The following NPAS3 variants were observed in gnomAD, a reference collection of about 807,000 sequenced individuals.
The protein encoded by NPAS3 is neuronal PAS domain-containing protein 3.
NPAS3 carries 14 observed loss-of-function variants against 73.1 expected under a neutral mutation model. The observed-to-expected ratio is 0.19, with a 90% CI of 0.13 to 0.30. The LOEUF is 0.30. NPAS3 is among the 10% of genes least tolerant of loss of function. NPAS3 has a pLI of 1.00. For missense variants in NPAS3, 1,096 were observed against 1,250.0 expected (o/e 0.88, Z 1.86); for synonymous variants, 620 against 541.5 (o/e 1.14, Z -2.01).
chr14:33,046,145 T>C (rs2040498326), intron 1 of NPAS3, among the ~76,000 whole-genome samples: 1 of 152,072 alleles, frequency 6.6e-6, no homozygotes, highest in Admixed American at 6.6e-5. Context: ...TCCTGAAAGG[T>C]ATATGTGGGT....
chr14:33,405,082 T>C (rs1483514882), intron 4 of NPAS3, among the ~76,000 whole-genome samples: 1 of 152,112 alleles, frequency 6.6e-6, no homozygotes, highest in Non-Finnish European at 1.5e-5. Context: ...GCAGAAAGCC[T>C]TGCTTCTAGT....
At chr14:33,186,888 G>A (rs1470247555) in intron 2 of NPAS3, among the ~76,000 whole-genome samples, 2 of 152,114 alleles carry the variant, frequency 1.3e-5, no homozygotes, top group Non-Finnish European at 2.9e-5. Context: ...CTACAACTGG[G>A]GAATTGCTAC....
chr14:33,524,636 G>A (rs985565434), intron 4 of NPAS3, among the ~76,000 whole-genome samples: 8 of 152,156 alleles, frequency 5.3e-5, no homozygotes, highest in African/African-American at 1.9e-4. Flanking sequence ...CCATGACAAA[G>A]TATCACAAAC....
intron 5 of NPAS3, among the ~76,000 whole-genome samples, chr14:33,635,931 G>A (rs986414019): frequency 6.6e-6 from 1 of 152,138 alleles, no homozygotes; most frequent in Admixed American, 6.5e-5. Context: ...GTCATGGACT[G>A]TAAACACGAC....
Position 33,374,863 on chromosome 14 carries a change from T to G in NPAS3, c.468+7595T>G, listed in dbSNP as rs559748444. Among the ~76,000 whole-genome samples the G allele has an allele frequency of 5.3e-5, 8 of 152,190 alleles. No individual in the cohort carries two copies. In the East Asian group the frequency reaches 7.7e-4, roughly 15 times the overall value. The stretch of plus-strand genomic sequence containing the variant: ...CAAAAGCTAACACAAAGATACAAAT[T>G]ATCATTTATTAAGATGCTGCCTAGC... On this transcript the variant is annotated intron_variant, in intron 4 of 11. Transcript: ENST00000356141.
At chr14:33,310,109 T>C (rs1390186091) in intron 3 of NPAS3, among the ~76,000 whole-genome samples, 2 of 152,192 alleles carry the variant, frequency 1.3e-5, no homozygotes, top group East Asian at 3.9e-4. Context: ...TTTCTCAAGC[T>C]AACATGTAGT....
At chr14:33,719,542 T>C (rs538486512) in intron 6 of NPAS3, among the ~76,000 whole-genome samples, 18 of 152,350 alleles carry the variant, frequency 1.2e-4, no homozygotes, top group African/African-American at 3.8e-4. Flanking sequence ...ATACATATGC[T>C]ATATATGCCT....
At chr14:33,252,400 T>A (rs1480193985) in intron 3 of NPAS3, among the ~76,000 whole-genome samples, 2 of 152,020 alleles carry the variant, frequency 1.3e-5, no homozygotes, top group Admixed American at 1.3e-4. Context: ...TCTATTCATA[T>A]GTGTGTCTAA....
chr14:33,099,833 A>G (rs1246154902), intron 2 of NPAS3, among the ~76,000 whole-genome samples: 6 of 152,212 alleles, frequency 3.9e-5, no homozygotes, highest in Non-Finnish European at 7.4e-5. Flanking sequence ...AAGGACTAGC[A>G]GTGGCCACAC....
chr14:33,039,696 T>C (rs2040287673), intron 1 of NPAS3, among the ~76,000 whole-genome samples: 1 of 152,248 alleles, frequency 6.6e-6, no homozygotes, highest in Non-Finnish European at 1.5e-5. Flanking sequence ...AACAAAGGCT[T>C]GATTTTAAAT....
intron 3 of NPAS3, among the ~76,000 whole-genome samples, chr14:33,233,076 A>G (rs2047910812): frequency 2.6e-5 from 4 of 152,186 alleles, no homozygotes; most frequent in Admixed American, 2.6e-4. Context: ...TAACCTTTTC[A>G]AATGTTATCA....
intron 2 of NPAS3, among the ~76,000 whole-genome samples, chr14:33,100,454 G>T (rs1408231714): frequency 6.6e-6 from 1 of 152,036 alleles, no homozygotes. Context: ...TACATAATAG[G>T]ATCTATTGCT....
In NPAS3 at chr14:33,680,950, A is replaced by ATACT. The variant is rs549815436; in HGVS notation, c.733+4569_733+4572dup. On this transcript the variant is annotated intron_variant, in intron 6 of 11. Coordinates refer to ENST00000356141, the Ensembl canonical transcript of NPAS3. ...ATAGTAGTATGATTTTTATGCTATT[A>ATACT]TACTTACGCTATGTCCCGAATGTTT... The ATACT allele has an allele frequency of 1.0e-3, 331 of 330,416 alleles. 1 individual carries two copies. Among genetic ancestry groups the ATACT allele is most frequent in the African/African-American group, 6.6e-3 (311 of 46,888 alleles). The allele number at this position is 330,416 out of a possible 1,614,324, so 20.5% of individuals were successfully genotyped here.
intron 3 of NPAS3, among the ~76,000 whole-genome samples, chr14:33,278,504 T>TAAA (rs3058293): frequency 1.4e-3 from 200 of 139,762 alleles, no homozygotes; most frequent in Middle Eastern, 7.8e-3. Context: ...AGAAGCCAAG[T>TAAA]AAAAAAAAAA....
At chr14:33,668,376 A>G (rs1384494008) in intron 5 of NPAS3, among the ~76,000 whole-genome samples, 4 of 152,212 alleles carry the variant, frequency 2.6e-5, no homozygotes, top group African/African-American at 4.8e-5. Context: ...ATATGGGTGC[A>G]TTAAGCATAT....
At chr14:33,772,951 C>T (rs1012145525) in intron 7 of NPAS3, among the ~76,000 whole-genome samples, 6 of 152,092 alleles carry the variant, frequency 3.9e-5, no homozygotes, top group Non-Finnish European at 7.4e-5. Flanking sequence ...CTGTGGGCGC[C>T]GACGTGAAGG....
chr14:33,344,428 G>A (rs1345662477), intron 3 of NPAS3, among the ~76,000 whole-genome samples: 1 of 152,096 alleles, frequency 6.6e-6, no homozygotes. Context: ...AATCAGTGCT[G>A]TGTTTCTAGT....
chr14:33,344,229 C>T (rs938249518), intron 3 of NPAS3, among the ~76,000 whole-genome samples: 2 of 152,166 alleles, frequency 1.3e-5, no homozygotes, highest in Admixed American at 6.5e-5. Flanking sequence ...AACATATTTA[C>T]GTAACCAGGG....
chr14:33,759,985 C>A (rs1468903654), intron 7 of NPAS3, among the ~76,000 whole-genome samples: 1 of 152,174 alleles, frequency 6.6e-6, no homozygotes, highest in Non-Finnish European at 1.5e-5. Context: ...ACTTAAATTT[C>A]TAAGTCCAGC....
Sources: allele counts gnomAD v4.1 joint callset (sites outside exome capture counted in the v4.1 genomes callset), GRCh38; gene constraint gnomAD v4.1.1; transcripts MANE v1.5; gene names NCBI Gene and HGNC (gene_info 2026-07-23, HGNC 2026-07-21).